The following USP6 variants were observed in gnomAD, a reference collection of about 807,000 sequenced individuals.
USP6 encodes ubiquitin specific peptidase 6, also known as ubiquitin carboxyl-terminal hydrolase 6.
In USP6, 128 loss-of-function variants were observed where a neutral mutation model predicts 175.7. The ratio of observed to expected loss-of-function variants is 0.73; its 90% CI spans 0.63 to 0.84. The LOEUF (loss-of-function observed/expected upper bound fraction) is 0.84. Among genes scored for constraint, USP6 ranks in the 40% least tolerant of loss-of-function variants. The probability of loss-of-function intolerance (pLI) is 0.00; values close to 1 mark genes in which losing one functional copy is unlikely to be tolerated. For missense variants in USP6, 1,498 were observed against 1,760.3 expected (o/e 0.85, Z 2.67); for synonymous variants, 562 against 630.6 (o/e 0.89, Z 1.63).
chr17:5,130,146 T>C (rs965963455), intron 9 of USP6, 57 bp downstream of exon 9: 1 of 561,024 alleles, frequency 1.8e-6, no homozygotes, highest in Admixed American at 3.0e-5. Flanking sequence ...CAGGTCCCAC[T>C]CTTCTCGAGT....
At chr17:5,147,319 A>G in intron 29 of USP6, 125 bp downstream of exon 29, 1 of 1,112,462 alleles carries the variant, frequency 9.0e-7, no homozygotes, top group Non-Finnish European at 1.2e-6. Context: ...ACTCAAGGGA[A>G]ACCTTACTGA....
intron 4 of USP6, among the ~76,000 whole-genome samples, chr17:5,123,744 A>G (rs1402426646): frequency 6.6e-6 from 1 of 152,164 alleles, no homozygotes; most frequent in Non-Finnish European, 1.5e-5. Context: ...GGACAATGCA[A>G]GTGCACGCAC....
chr17:5,152,738 C>T (rs1018027115), intron 30 of USP6, among the ~76,000 whole-genome samples: 1 of 152,104 alleles, frequency 6.6e-6, no homozygotes. Flanking sequence ...GGCTCACACC[C>T]GTAATCTCAG....
rs148208805 is a variant in USP6 at position 5,133,959 on chromosome 17, C to A, written c.457C>A (p.Arg153=). ...HIDLDVRTTL[R]NHVFFRDRYG... The stretch of plus-strand genomic sequence containing the variant: ...CGACCTGGACGTGAGGACGACTCTC[C>A]GGAACCATGTCTTCTTTAGGGATCG... Residue 153 remains arginine, a synonymous_variant, in exon 15 of 38, where the codon CGG becomes AGG. Transcript: ENST00000574788. The A allele has an allele frequency of 6.2e-7, 1 of 1,614,126 alleles. No homozygotes were observed. Among genetic ancestry groups the A allele is most frequent in the Non-Finnish European group, 8.5e-7 (1 of 1,180,000 alleles).
chr17:5,120,347 G>C (rs1463742923), intron 2 of USP6, among the ~76,000 whole-genome samples: 2 of 152,128 alleles, frequency 1.3e-5, no homozygotes, highest in East Asian at 3.9e-4. Flanking sequence ...CTGTGCTGGG[G>C]GGTTGTTATC....
chr17:5,135,308 C>T, intron 16 of USP6, 26 bp downstream of exon 16: 1 of 1,611,408 alleles, frequency 6.2e-7, no homozygotes, highest in South Asian at 1.1e-5. Flanking sequence ...AGTGAGGTTC[C>T]CAGGCTGTAT....
rs1777611083 is a variant in USP6 at position 5,124,928 on chromosome 17, A to C, written c.-936A>C. 1 of 152,174 alleles carries C rather than the reference A, an allele frequency of 6.6e-6. No homozygotes were observed. The highest frequency in any genetic ancestry group is 1.5e-5 in the Non-Finnish European group (1 of 68,040). The allele number at this position is 152,174 out of a possible 1,614,324, so 9.4% of individuals were successfully genotyped here. Reference sequence around the variant, plus strand: ...GGTGAATAATTTCAATTGACATAATAATGTATTTATCTTGCTGGGTAAATG... The same window carrying C: ...GGTGAATAATTTCAATTGACATAATCATGTATTTATCTTGCTGGGTAAATG... On this transcript the variant is annotated 5_prime_UTR_variant, in exon 5 of 38. Transcript: ENST00000574788.
intron 3 of USP6, 95 bp from the exon 4 acceptor site, chr17:5,121,280 G>A (rs58355473): frequency 0.029 from 10,456 of 359,310 alleles, 1,002 homozygotes; most frequent in African/African-American, 0.2. Flanking sequence ...GCCCCATAGA[G>A]GCCAGGGAGG....
chr17:5,144,304 ATATT>A (rs140200174), intron 25 of USP6, among the ~76,000 whole-genome samples: 15,489 of 152,060 alleles, frequency 0.1, 1,710 homozygotes, highest in South Asian at 0.47. Flanking sequence ...TGTTATGTAT[ATATT>A]ATGTACCTGT....
At position 5,139,302 on chromosome 17, in the gene USP6, C is replaced by T. The variant is rs765980586; in HGVS notation, c.1126C>T (p.Arg376Cys). The change falls in exon 22 of 38, where the codon CGT becomes TGT. Residue 376 changes from arginine to cysteine, a missense_variant. Physicochemically the swap from Arg to Cys is radical, Grantham distance 180. Around this residue, in one of 2 missense-constraint regions of USP6, gnomAD observed 1,217 missense variants for 1,500.8 expected, o/e 0.81. Transcript: ENST00000574788. ...GGCACCCAGGCCTGTGCCGGCTTCA[C>T]GTGGTGGGAAGACCCTCTGCAAGGG... ...SLAPRPVPAS[R>C]GGKTLCKGYR... 5.0e-6 allele frequency: 8 copies of T among 1,608,442 alleles called. No homozygotes were observed. The highest frequency in any genetic ancestry group is 3.3e-5 in the South Asian group (3 of 91,068).
chr17:5,135,009 C>A, intron 15 of USP6: 1 of 487,496 alleles, frequency 2.1e-6, no homozygotes, highest in Non-Finnish European at 3.8e-6. Flanking sequence ...AAAAATCATT[C>A]AGCGTGAAAA....
rs779136758 is a variant in USP6, at chr17:5,133,488, C to A, written c.322C>A (p.Pro108Thr). ...YKGIPMNIRG[P>T]VWSVLLNIQE... Reference sequence around the variant, plus strand: ...GGGAATTCCCATGAACATCCGGGGCCCGGTGTGGTCAGTCCTCCTGAACAT... The same window carrying A: ...GGGAATTCCCATGAACATCCGGGGCACGGTGTGGTCAGTCCTCCTGAACAT... Residue 108 changes from proline (P) to threonine (T), a missense_variant, in exon 14 of 38, where the codon CCG becomes ACG. By Grantham distance (38) the Pro-to-Thr change is conservative. Transcript: ENST00000574788. The A allele has an allele frequency of 1.9e-6, 3 of 1,611,628 alleles. No homozygotes were observed.
At chr17:5,126,235 G>C (rs1410957958) in intron 6 of USP6, among the ~76,000 whole-genome samples, 1 of 152,194 alleles carries the variant, frequency 6.6e-6, no homozygotes, top group African/African-American at 2.4e-5. Context: ...CAGCTGCTTA[G>C]GGCCCAAGCC....
At chr17:5,151,230 G>A (rs566735826) in intron 30 of USP6, among the ~76,000 whole-genome samples, 1 of 152,022 alleles carries the variant, frequency 6.6e-6, no homozygotes, top group South Asian at 2.1e-4. Context: ...AAAAAATTAA[G>A]TACCTAGGAA....
intron 21 of USP6, chr17:5,138,870 A>C: frequency 1.4e-6 from 1 of 716,868 alleles, no homozygotes; most frequent in Admixed American, 2.6e-5. Flanking sequence ...GTCCGGGCCC[A>C]GTCACCCACT....
At chr17:5,151,354 AT>A (rs2073764912) in intron 30 of USP6, among the ~76,000 whole-genome samples, 2 of 152,176 alleles carry the variant, frequency 1.3e-5, no homozygotes, top group Non-Finnish European at 2.9e-5. Flanking sequence ...AAGACTCGAT[AT>A]TTTAAGATGT....
rs762947198 is a variant in USP6 at position 5,147,135 on chromosome 17, G to A, written c.2372G>A (p.Cys791Tyr). ...KVQLSVSGFL[C>Y]AFEIPVPSSP... ...CAACTCTCAGTGAGCGGATTTTTGT[G>A]TGCATTTGAAATTCCTGTCCCTTCA... The change falls in exon 29 of 38, where the codon TGT becomes TAT. Residue 791 changes from cysteine to tyrosine, a missense_variant. By Grantham distance (194) the Cys-to-Tyr change is radical. Coordinates refer to ENST00000574788, the MANE Select transcript of USP6 (RefSeq NM_001304284.2). 1.2e-6 allele frequency: 2 copies of A among 1,613,688 alleles called. No individual in the cohort carries two copies. Among genetic ancestry groups the A allele is most frequent in the East Asian group, 2.2e-5 (1 of 44,820 alleles).
chr17:5,124,259 A>C (rs1481472386), intron 4 of USP6, among the ~76,000 whole-genome samples: 1 of 152,216 alleles, frequency 6.6e-6, no homozygotes, highest in Non-Finnish European at 1.5e-5. Context: ...GAACCAGGAC[A>C]GGGCCTGGGA....
chr17:5,140,541 C>A (rs2073414962), intron 22 of USP6, among the ~76,000 whole-genome samples: 1 of 152,062 alleles, frequency 6.6e-6, no homozygotes, highest in African/African-American at 2.4e-5. Context: ...CCACTGCACT[C>A]CAGCCTGGGT....
Sources: allele counts gnomAD v4.1 joint callset (sites outside exome capture counted in the v4.1 genomes callset), GRCh38; gene constraint gnomAD v4.1.1; regional missense constraint gnomAD v4.1.1; transcripts MANE v1.5; gene names NCBI Gene and HGNC (gene_info 2026-07-23, HGNC 2026-07-21).